Variants in CLEC12A observed in about 807,000 individuals in gnomAD.
The protein encoded by CLEC12A is C-type lectin protein CLL-1.
CLEC12A carries 22 observed loss-of-function variants against 26.5 expected under a neutral mutation model. The observed-to-expected ratio is 0.83, with a 90% confidence interval of 0.59 to 1.19. The LOEUF is 1.19. Ranked by LOEUF, CLEC12A falls within the 50% of genes most tolerant of loss-of-function variation. CLEC12A has a pLI of 0.00. For synonymous variants in CLEC12A, 119 were observed against 101.9 expected (o/e 1.17, Z -1.01); for missense variants, 353 against 315.6 (o/e 1.12, Z -0.90).
chr12:9,995,054 A>G lies in CLEC12A; in HGVS notation n.1041A>G, dbSNP rs749306807. On this transcript the variant is annotated non_coding_transcript_exon_variant, in exon 5 of 5. Coordinates refer to the CLEC12A transcript ENST00000449959. ...CCCAGCTGCTGCTTCTATAACCCAT[A>G]GTAGTGACTTGGACTGAGAGAAGAG... 4 of 1,592,762 alleles carry G rather than the reference A, an allele frequency of 2.5e-6. No individual in the cohort carries two copies. The Admixed American group carries it at 5.0e-5, about 20-fold the overall frequency.
downstream of CLEC12A, among the ~76,000 whole-genome samples, chr12:9,989,667 G>C (rs563867284): frequency 2.6e-5 from 4 of 152,366 alleles, no homozygotes; most frequent in African/African-American, 9.6e-5. Context: ...GCAGCAAGTT[G>C]TGATGTAGAA....
chr12:9,986,202 T>A (rs1301309612), downstream of CLEC12A: 2 of 446,564 alleles, frequency 4.5e-6, no homozygotes, highest in African/African-American at 2.0e-5. Flanking sequence ...TACAGTTTGA[T>A]CATTAAAAGA....
chr12:9,985,061 G>A lies in CLEC12A; in HGVS notation c.*35G>A, dbSNP rs777147694. 7.1e-7 allele frequency: 1 copy of A among 1,406,428 alleles called. No individual in the cohort carries two copies. The highest frequency in any genetic ancestry group is 1.8e-5 in the South Asian group (1 of 56,688). 87.1% of individuals were successfully genotyped at this position (1,406,428 alleles called of 1,614,324 possible). A position where few individuals can be genotyped will look rare whatever the true frequency, so the allele number is the denominator to read the frequency against. ...CAAATACATTTAAGGAGTGTAGGGG[G>A]TGGGGGTTCTAGGCTATAGGTAAAT... On this transcript the variant is annotated 3_prime_UTR_variant, in exon 6 of 6. Coordinates refer to ENST00000304361, the MANE Select transcript of CLEC12A (RefSeq NM_138337.6).
chr12:9,980,830 G>A lies in CLEC12A; in HGVS notation c.531+97G>A, dbSNP rs1049277437. On this transcript the variant is annotated intron_variant, in intron 4 of 5. Coordinates refer to ENST00000304361, the MANE Select transcript of CLEC12A (RefSeq NM_138337.6). Reference sequence around the variant, plus strand: ...CCACTCATGATTCTGGTTTATTTCAGTTGGGGTGTGAAGTGACTGAAACTT... The same window carrying A: ...CCACTCATGATTCTGGTTTATTTCAATTGGGGTGTGAAGTGACTGAAACTT... The A allele has an allele frequency of 2.3e-6, 3 of 1,318,822 alleles. No individual in the cohort carries two copies. The African/African-American group carries it at 4.4e-5, about 19-fold the overall frequency. 81.7% of individuals were successfully genotyped at this position (1,318,822 alleles called of 1,614,324 possible).
At chr12:9,982,940 C>A (rs970017183) in intron 5 of CLEC12A, among the ~76,000 whole-genome samples, 2 of 152,114 alleles carry the variant, frequency 1.3e-5, no homozygotes, top group African/African-American at 4.8e-5. Flanking sequence ...GTCTCCAGCT[C>A]CATCCATTTT....
At chr12:9,968,473 C>T (rs185612837), upstream of CLEC12A, among the ~76,000 whole-genome samples, 716 of 152,080 alleles carry the variant, frequency 4.7e-3, 7 homozygotes, top group South Asian at 0.028. Context: ...GTGGGGGTAA[C>T]AAGGTGCTCA....
chr12:9,992,241 G>C (rs1330904323), intron 4 of CLEC12A: 3 of 152,060 alleles, frequency 2.0e-5, no homozygotes, highest in Non-Finnish European at 2.9e-5. Context: ...TTGTCCTTCT[G>C]TCTAGTAGCC....
chr12:10,001,932 T>G, the CLEC12A span, among the ~76,000 whole-genome samples: 16 of 148,304 alleles, frequency 1.1e-4, no homozygotes, highest in East Asian at 2.0e-4. Flanking sequence ...CAGGCTGGAG[T>G]GCAGTGGCGC....
In CLEC12A at chr12:9,983,202, A is replaced by C. The variant is rs188284371; in HGVS notation, c.641+1073A>C. Among the ~76,000 whole-genome samples, 249 of 152,160 alleles carry C rather than the reference A, an allele frequency of 1.6e-3. 2 individuals are homozygous for C. Among genetic ancestry groups the C allele is most frequent in the East Asian group, 1.4e-3 (7 of 5,182 alleles). The stretch of plus-strand genomic sequence containing the variant: ...AGTGGAATTGCTGGATCAAATGGTA[A>C]TTCTATTTTTAGTTCTTTGAAAAAT... On this transcript the variant is annotated intron_variant, in intron 5 of 5. Transcript: ENST00000304361.
intron 3 of CLEC12A, among the ~76,000 whole-genome samples, chr12:9,980,174 G>T (rs7312943): frequency 0.071 from 10,853 of 152,150 alleles, 424 homozygotes; most frequent in East Asian, 0.16. Flanking sequence ...ATTGACATAG[G>T]AAGACACACT....
intron 1 of CLEC12A, among the ~76,000 whole-genome samples, chr12:9,973,445 T>C (rs932755124): frequency 2.6e-5 from 4 of 151,812 alleles, no homozygotes; most frequent in African/African-American, 9.7e-5. Context: ...CACAGCAAGA[T>C]CCTGCCTCAA....
At chr12:9,955,591 A>G (rs1863731022) in intron 1 of CLEC12A, among the ~76,000 whole-genome samples, 1 of 152,226 alleles carries the variant, frequency 6.6e-6, no homozygotes, top group South Asian at 2.1e-4. Flanking sequence ...TTGGATGCTC[A>G]TGAGATGTGT....
the CLEC12A span, among the ~76,000 whole-genome samples, chr12:10,005,449 A>G: frequency 6.6e-6 from 1 of 152,222 alleles, no homozygotes; most frequent in Admixed American, 6.5e-5. Flanking sequence ...AATATGATCC[A>G]GAATAATCCA....
chr12:9,965,663 A>ATG (rs1591815681), intron 1 of CLEC12A, among the ~76,000 whole-genome samples: 1 of 151,752 alleles, frequency 6.6e-6, no homozygotes, highest in East Asian at 1.9e-4. Flanking sequence ...TTGATAAGGC[A>ATG]CAGATCCTGA....
At chr12:9,984,697 T>C (rs476844) in intron 5 of CLEC12A, among the ~76,000 whole-genome samples, 173 bp from the exon 6 acceptor site, 99,006 of 152,076 alleles carry the variant, frequency 0.65, 32,655 homozygotes, top group East Asian at 0.89. Context: ...GCATATGTGT[T>C]AACATAAACA....
At chr12:9,987,457 G>A (rs1027785843), downstream of CLEC12A, among the ~76,000 whole-genome samples, 6 of 152,108 alleles carry the variant, frequency 3.9e-5, no homozygotes, top group Non-Finnish European at 8.8e-5. Context: ...TGCCACAAAT[G>A]CCACAAATGA....
the CLEC12A span, among the ~76,000 whole-genome samples, chr12:10,005,285 T>C: frequency 6.6e-6 from 1 of 152,154 alleles, no homozygotes; most frequent in Admixed American, 6.5e-5. Context: ...ATCAAGATAA[T>C]TGTATATCAT....
chr12:9,982,931 T>A (rs534629821), intron 5 of CLEC12A, among the ~76,000 whole-genome samples: 5 of 152,146 alleles, frequency 3.3e-5, no homozygotes, highest in Admixed American at 1.3e-4. Flanking sequence ...AAGAGAATGG[T>A]CTCCAGCTCC....
chr12:9,969,249 C>G (rs1864045423), upstream of CLEC12A, among the ~76,000 whole-genome samples: 1 of 152,118 alleles, frequency 6.6e-6, no homozygotes, highest in African/African-American at 2.4e-5. Flanking sequence ...AAGAAATGTA[C>G]TATTCCCAAC....
Sources: gnomAD v4.1 joint callset for allele counts (sites outside exome capture counted in the v4.1 genomes callset) on GRCh38, gnomAD v4.1.1 for gene constraint, MANE v1.5 for transcripts, NCBI Gene and HGNC (gene_info 2026-07-23, HGNC 2026-07-21) for gene names.